SNRPA1: variants seen among roughly 807,000 people sequenced by gnomAD.
SNRPA1 encodes the protein U2 small nuclear ribonucleoprotein A'.
Under a neutral mutation model 32.3 loss-of-function variants are expected in SNRPA1, and 5 were observed. The observed-to-expected ratio is 0.15, with a 90% CI of 0.08 to 0.33. SNRPA1 has a LOEUF of 0.33. Among genes scored for constraint, SNRPA1 ranks in the 10% least tolerant of loss-of-function variants. The pLI, the probability that SNRPA1 is intolerant of heterozygous loss-of-function variation, is 1.00. For synonymous variants in SNRPA1, 111 were observed against 120.1 expected (o/e 0.92, Z 0.50); for missense variants, 198 against 311.1 (o/e 0.64, Z 2.74).
chr15:101,287,723 G>A, intron 3 of SNRPA1, 21 bp from the exon 4 acceptor site: 1 of 1,611,470 alleles, frequency 6.2e-7, no homozygotes, highest in Non-Finnish European at 8.5e-7. Flanking sequence ...ATAGCCACAG[G>A]TAAGAACGCG....
At chr15:101,289,886 G>A (rs1309150931) in intron 3 of SNRPA1, 1 of 133,182 alleles carries the variant, frequency 7.5e-6, no homozygotes, top group African/African-American at 3.0e-5. Context: ...AGGTTGCAGT[G>A]AGCCGAGATC....
intron 1 of SNRPA1, 125 bp from the exon 2 acceptor site, chr15:101,293,297 C>A: frequency 1.6e-6 from 1 of 630,510 alleles, no homozygotes. Context: ...TATTACCTAG[C>A]ACCTATGTCG....
intron 5 of SNRPA1, 108 bp downstream of exon 5, chr15:101,286,800 A>G (rs947159867): frequency 1.6e-6 from 1 of 630,174 alleles, no homozygotes; most frequent in African/African-American, 1.8e-5. Context: ...TTTATTACAA[A>G]CTAATGGTAA....
chr15:101,284,000 G>T (rs1367982305), intron 8 of SNRPA1, among the ~76,000 whole-genome samples: 2 of 152,214 alleles, frequency 1.3e-5, no homozygotes, highest in Admixed American at 6.5e-5. Context: ...ATTTCCCTAG[G>T]AAACTTCCCC....
intron 1 of SNRPA1, among the ~76,000 whole-genome samples, chr15:101,293,913 T>C (rs74041979): frequency 3.3e-4 from 50 of 152,114 alleles, no homozygotes; most frequent in African/African-American, 1.1e-3. Context: ...ACATGCTCCA[T>C]AAAGAGAAAT....
intron 8 of SNRPA1, among the ~76,000 whole-genome samples, chr15:101,284,425 C>T (rs2039431918): frequency 6.6e-6 from 1 of 152,150 alleles, no homozygotes; most frequent in South Asian, 2.1e-4. Flanking sequence ...GTTCGGTGCA[C>T]TCCATGGCTG....
intron 3 of SNRPA1, among the ~76,000 whole-genome samples, chr15:101,288,889 C>T (rs1221443119): frequency 6.6e-6 from 1 of 152,166 alleles, no homozygotes; most frequent in Non-Finnish European, 1.5e-5. Flanking sequence ...CAATTTGGGC[C>T]CTCACTCTTA....
In SNRPA1 at chr15:101,295,051, G is replaced by A. The variant is rs533758244; in HGVS notation, c.82+46C>T. On this transcript the variant is annotated intron_variant, in intron 1 of 8. Transcript: ENST00000254193. ...CGCGGCAAAGCGCGGAAAATAAGGCGGCTCGGTGCCGCCTGGGGACTGGCC... is the reference window on the plus strand; with the variant it reads ...CGCGGCAAAGCGCGGAAAATAAGGCAGCTCGGTGCCGCCTGGGGACTGGCC... 12 of 1,269,872 alleles carry A rather than the reference G, an allele frequency of 9.4e-6. No homozygotes were observed. In the South Asian group the frequency reaches 1.7e-4, roughly 18 times the overall value. 78.7% of individuals were successfully genotyped at this position (1,269,872 alleles called of 1,614,324 possible).
At chr15:101,293,701 T>C (rs1044712120) in intron 1 of SNRPA1, among the ~76,000 whole-genome samples, 7 of 152,228 alleles carry the variant, frequency 4.6e-5, no homozygotes, top group African/African-American at 1.7e-4. Flanking sequence ...TGAAGATCAA[T>C]GGTTTAAATA....
At chr15:101,283,498 G>A (rs572989617) in intron 8 of SNRPA1, among the ~76,000 whole-genome samples, 5 of 152,228 alleles carry the variant, frequency 3.3e-5, no homozygotes, top group South Asian at 4.1e-4. Flanking sequence ...CCCAGGAGGC[G>A]GAGCTTGCAG....
chr15:101,294,223 C>A (rs2039561023), intron 1 of SNRPA1, among the ~76,000 whole-genome samples: 2 of 152,324 alleles, frequency 1.3e-5, no homozygotes, highest in South Asian at 4.1e-4. Context: ...GCGGAAAGAG[C>A]GAGACTCCAT....
At chr15:101,287,728 A>G in intron 3 of SNRPA1, 26 bp from the exon 4 acceptor site, 2 of 1,608,830 alleles carry the variant, frequency 1.2e-6, no homozygotes, top group Non-Finnish European at 1.7e-6. Context: ...CACAGGTAAG[A>G]ACGCGAATAC....
chr15:101,286,823 T>G (rs2039460089), intron 5 of SNRPA1, 85 bp downstream of exon 5: 1 of 684,892 alleles, frequency 1.5e-6, no homozygotes, highest in African/African-American at 1.8e-5. Context: ...TTTACTCATT[T>G]AGACAATTTT....
At chr15:101,290,257 T>G (rs958264533) in intron 3 of SNRPA1, among the ~76,000 whole-genome samples, 1 of 152,222 alleles carries the variant, frequency 6.6e-6, no homozygotes, top group African/African-American at 2.4e-5. Context: ...TGCTGTGAGA[T>G]TCTAACATAC....
chr15:101,287,819 C>A (rs2039473008), intron 3 of SNRPA1, 117 bp from the exon 4 acceptor site: 8 of 853,020 alleles, frequency 9.4e-6, no homozygotes, highest in Non-Finnish European at 1.6e-5. Context: ...TTTTTACTCT[C>A]TAGCAACAAG....
In SNRPA1 at chr15:101,287,259, T is replaced by C. The variant is rs1238487982; in HGVS notation, c.357-249A>G. On this transcript the variant is annotated intron_variant, in intron 4 of 8. Transcript: ENST00000254193. Reference sequence around the variant, plus strand: ...TGCAGGTTTGTTACATATGTATACATGTGCCATGTTGGTGGGCTGCACCCA... The same window carrying C: ...TGCAGGTTTGTTACATATGTATACACGTGCCATGTTGGTGGGCTGCACCCA... 5.3e-5 allele frequency among the ~76,000 whole-genome samples: 8 copies of C among 152,338 alleles called. 1 individual carries two copies. Among genetic ancestry groups the C allele is most frequent in the East Asian group, 1.9e-4 (1 of 5,192 alleles).
chr15:101,293,404 C>A (rs1395643750), intron 1 of SNRPA1: 1 of 365,116 alleles, frequency 2.7e-6, no homozygotes, highest in Non-Finnish European at 5.0e-6. Context: ...CTGATGACAA[C>A]AAGGACAAGG....
At chr15:101,284,565 C>G (rs966927734) in intron 8 of SNRPA1, among the ~76,000 whole-genome samples, 4 of 148,810 alleles carry the variant, frequency 2.7e-5, no homozygotes, top group African/African-American at 1.0e-4. Context: ...TACAAAAGTG[C>G]GATCTCGGCT....
intron 1 of SNRPA1, 147 bp from the exon 2 acceptor site, chr15:101,293,319 A>G: frequency 1.9e-6 from 1 of 525,770 alleles, no homozygotes; most frequent in Non-Finnish European, 3.3e-6. Flanking sequence ...GTCACGCATG[A>G]CTTGCCGCTG....
Sources: allele counts gnomAD v4.1 joint callset (sites outside exome capture counted in the v4.1 genomes callset), GRCh38; gene constraint gnomAD v4.1.1; transcripts MANE v1.5; gene names NCBI Gene and HGNC (gene_info 2026-07-23, HGNC 2026-07-21).